Variants in MSRA observed in about 807,000 individuals in gnomAD.
MSRA encodes the protein mitochondrial peptide methionine sulfoxide reductase.
Under a neutral mutation model 31.3 loss-of-function variants are expected in MSRA, and 54 were observed. The ratio of observed to expected loss-of-function variants is 1.73; its 90% CI spans 1.39 to 2.17. The LOEUF is 2.17. Among genes scored for constraint, MSRA ranks in the 30% most tolerant of loss-of-function variants. The pLI is 0.00. For synonymous variants in MSRA, 169 were observed against 116.5 expected (o/e 1.45, Z -2.90); for missense variants, 507 against 300.9 (o/e 1.69, Z -5.07).
chr8:10,210,248 T>C (rs1427138780), intron 2 of MSRA, among the ~76,000 whole-genome samples: 1 of 152,286 alleles, frequency 6.6e-6, no homozygotes, highest in East Asian at 1.9e-4. Context: ...ATGTGACTTA[T>C]CCAGAGCCAC....
At chr8:10,062,360 G>A (rs750971617) in intron 1 of MSRA, among the ~76,000 whole-genome samples, 6 of 152,204 alleles carry the variant, frequency 3.9e-5, no homozygotes, top group Middle Eastern at 3.2e-3. Flanking sequence ...AATGAAAGTT[G>A]TGGATCTTCT....
At chr8:10,159,622 G>C (rs1008041189) in intron 1 of MSRA, among the ~76,000 whole-genome samples, 1 of 151,806 alleles carries the variant, frequency 6.6e-6, no homozygotes, top group African/African-American at 2.4e-5. Context: ...CTCTGTCAAA[G>C]CACTTTACAA....
chr8:10,412,687 T>C (rs1808228981), intron 5 of MSRA, among the ~76,000 whole-genome samples: 1 of 152,200 alleles, frequency 6.6e-6, no homozygotes. Context: ...GATGCCTTTG[T>C]ATACAGAAGG....
chr8:10,226,585 T>G (rs950000539), intron 2 of MSRA, among the ~76,000 whole-genome samples: 3 of 152,166 alleles, frequency 2.0e-5, no homozygotes, highest in Admixed American at 1.3e-4. Context: ...AAAAGCAAAT[T>G]GCAGAAACCT....
intron 5 of MSRA, among the ~76,000 whole-genome samples, chr8:10,352,484 G>C (rs377459599): frequency 6.6e-6 from 1 of 152,150 alleles, no homozygotes; most frequent in East Asian, 1.9e-4. Context: ...TCCCTGTGCA[G>C]CATATCGGGT....
At chr8:10,281,806 G>T (rs561889686) in intron 3 of MSRA, among the ~76,000 whole-genome samples, 1 of 152,160 alleles carries the variant, frequency 6.6e-6, no homozygotes, top group South Asian at 2.1e-4. Context: ...TGATCAAGAC[G>T]AAGGCTATTA....
At chr8:10,302,731 G>A (rs532811326) in intron 4 of MSRA, among the ~76,000 whole-genome samples, 10 of 152,318 alleles carry the variant, frequency 6.6e-5, no homozygotes, top group African/African-American at 1.7e-4. Context: ...GGCAGATGGC[G>A]GCCTAGAGGT....
chr8:10,154,160 T>C (rs1469103263), intron 1 of MSRA, among the ~76,000 whole-genome samples: 2 of 152,150 alleles, frequency 1.3e-5, no homozygotes, highest in African/African-American at 4.8e-5. Context: ...CCTGATCTTG[T>C]TGAGGGATGG....
intron 5 of MSRA, among the ~76,000 whole-genome samples, chr8:10,398,842 A>G (rs1376388422): frequency 2.0e-5 from 3 of 152,218 alleles, no homozygotes; most frequent in Non-Finnish European, 4.4e-5. Flanking sequence ...AGCAAAAAAT[A>G]TCACCATTGC....
chr8:10,404,474 C>G (rs907025772), intron 5 of MSRA, among the ~76,000 whole-genome samples: 4 of 152,342 alleles, frequency 2.6e-5, no homozygotes, highest in African/African-American at 9.6e-5. Flanking sequence ...TGGATGGCTT[C>G]AAAGTGAACA....
chr8:10,199,728 A>G (rs1384663949), intron 1 of MSRA, among the ~76,000 whole-genome samples: 2 of 152,116 alleles, frequency 1.3e-5, no homozygotes, highest in African/African-American at 4.8e-5. Context: ...TATTTGCATA[A>G]TGCTTTATTC....
At chr8:10,194,258 T>A (rs1413547233) in intron 1 of MSRA, among the ~76,000 whole-genome samples, 1 of 151,958 alleles carries the variant, frequency 6.6e-6, no homozygotes, top group Admixed American at 6.6e-5. Context: ...TTAAAATCCT[T>A]CCCCCCCTTA....
chr8:10,289,490 C>G (rs1053063151), intron 3 of MSRA, among the ~76,000 whole-genome samples: 2 of 152,074 alleles, frequency 1.3e-5, no homozygotes, highest in Non-Finnish European at 2.9e-5. Context: ...TGCATCCCCT[C>G]GAGCATTTAT....
chr8:10,365,824 A>G (rs1805131139), intron 5 of MSRA, among the ~76,000 whole-genome samples: 1 of 152,226 alleles, frequency 6.6e-6, no homozygotes, highest in South Asian at 2.1e-4. Context: ...ACCCTGGCCA[A>G]GGTCACATGC....
intron 2 of MSRA, among the ~76,000 whole-genome samples, chr8:10,217,793 G>C (rs1259117614): frequency 1.3e-5 from 2 of 152,114 alleles, no homozygotes; most frequent in Non-Finnish European, 2.9e-5. Context: ...CAAATCTCCA[G>C]TGAGTCCATT....
chr8:10,334,726 T>C (rs1763024910), intron 5 of MSRA, among the ~76,000 whole-genome samples: 1 of 152,164 alleles, frequency 6.6e-6, no homozygotes, highest in South Asian at 2.1e-4. Context: ...AGGCCATTTG[T>C]GTTTGTGCAT....
At chr8:10,309,578 A>G (rs1013871252) in intron 4 of MSRA, among the ~76,000 whole-genome samples, 32 of 152,160 alleles carry the variant, frequency 2.1e-4, no homozygotes, top group African/African-American at 7.2e-4. Flanking sequence ...TTCCACCTGC[A>G]GCACAGCTCC....
rs572530252 is a variant in MSRA at position 10,278,905 on chromosome 8, C to T, written c.332-22629C>T. ...AAGATTTTTGGAGCTGTAAGTCTTA[C>T]TGGCACCATGTAGGTGGTAGTCAGG... is the stretch of plus-strand genomic sequence containing the variant. On this transcript the variant is annotated intron_variant, in intron 3 of 5. Coordinates refer to ENST00000317173, the MANE Select transcript of MSRA (RefSeq NM_012331.5). Among the ~76,000 whole-genome samples the T allele has an allele frequency of 3.3e-5, 5 of 152,296 alleles. No individual in the cohort carries two copies. The South Asian group carries it at 1.0e-3, about 32-fold the overall frequency.
intron 3 of MSRA, among the ~76,000 whole-genome samples, chr8:10,248,290 C>G (rs908483255): frequency 6.6e-6 from 1 of 152,172 alleles, no homozygotes; most frequent in South Asian, 2.1e-4. Flanking sequence ...GGATTGTGTG[C>G]AGATTCCTTC....
Sources: allele counts gnomAD v4.1 joint callset (sites outside exome capture counted in the v4.1 genomes callset), GRCh38; gene constraint gnomAD v4.1.1; transcripts MANE v1.5; gene names NCBI Gene and HGNC (gene_info 2026-07-23, HGNC 2026-07-21).